PTPRE: variants seen among roughly 807,000 people sequenced by gnomAD.
PTPRE encodes receptor-type tyrosine-protein phosphatase epsilon.
In PTPRE, 51 loss-of-function variants were observed where a neutral mutation model predicts 102.0. That is an observed-to-expected ratio of 0.50 (90% CI 0.40 to 0.63). PTPRE has a LOEUF of 0.63. Ranked by LOEUF, PTPRE falls within the 30% of genes least tolerant of loss-of-function variation. The pLI, the probability that PTPRE is intolerant of heterozygous loss-of-function variation, is 0.00. For synonymous variants in PTPRE, 345 were observed against 348.2 expected (o/e 0.99, Z 0.10); for missense variants, 752 against 915.1 (o/e 0.82, Z 2.30).
chr10:127,940,213 C>T (rs1199922355), intron 1 of PTPRE, among the ~76,000 whole-genome samples: 1 of 152,102 alleles, frequency 6.6e-6, no homozygotes, highest in African/African-American at 2.4e-5. Flanking sequence ...ATCCTATACA[C>T]CCATCCCAGG....
intron 2 of PTPRE, among the ~76,000 whole-genome samples, chr10:127,992,484 C>G (rs1175593540): frequency 6.6e-6 from 1 of 152,194 alleles, no homozygotes; most frequent in Non-Finnish European, 1.5e-5. Flanking sequence ...ATGATTTGCT[C>G]TTAGCCCAGC....
chr10:128,017,094 G>A (rs192688036), intron 2 of PTPRE, among the ~76,000 whole-genome samples: 49 of 152,138 alleles, frequency 3.2e-4, no homozygotes, highest in African/African-American at 1.2e-3. Context: ...GGGTCAGAAT[G>A]CTGGGAGGAG....
chr10:127,916,284 A>G (rs936369726), intron 1 of PTPRE, among the ~76,000 whole-genome samples: 4 of 152,130 alleles, frequency 2.6e-5, no homozygotes, highest in Non-Finnish European at 5.9e-5. Flanking sequence ...TGCTGTTCTC[A>G]TGATAGTGAG....
chr10:127,994,525 C>T (rs1395431141), intron 2 of PTPRE, among the ~76,000 whole-genome samples: 2 of 152,164 alleles, frequency 1.3e-5, no homozygotes, highest in Non-Finnish European at 2.9e-5. Context: ...GAGAGAGGCA[C>T]CCAGTGAATT....
At chr10:127,913,238 C>T (rs996030391) in intron 1 of PTPRE, among the ~76,000 whole-genome samples, 1 of 152,228 alleles carries the variant, frequency 6.6e-6, no homozygotes, top group African/African-American at 2.4e-5. Flanking sequence ...GAATCAAAGG[C>T]CTGAGATGAT....
intron 2 of PTPRE, among the ~76,000 whole-genome samples, chr10:128,012,272 C>T (rs1845083151): frequency 1.3e-5 from 2 of 152,196 alleles, no homozygotes; most frequent in South Asian, 4.1e-4. Flanking sequence ...ACCTTTGCAA[C>T]TCAAGGGTGA....
chr10:128,037,956 AAT>A (rs1491569841), intron 2 of PTPRE, among the ~76,000 whole-genome samples: 1 of 87,622 alleles, frequency 1.1e-5, no homozygotes, highest in African/African-American at 4.7e-5. Context: ...ATGTCCGGCT[AAT>A]TTTTTTTTTT....
intron 16 of PTPRE, among the ~76,000 whole-genome samples, 153 bp from the exon 17 acceptor site, chr10:128,073,184 C>T (rs1377703237): frequency 4.6e-5 from 7 of 152,170 alleles, no homozygotes; most frequent in African/African-American, 1.7e-4. Flanking sequence ...CAGGTGTGTG[C>T]CTGAGTGCTC....
chr10:128,082,652 A>G (rs551472148), intron 20 of PTPRE, among the ~76,000 whole-genome samples, 180 bp from the exon 21 acceptor site: 1 of 152,356 alleles, frequency 6.6e-6, no homozygotes, highest in South Asian at 2.1e-4. Flanking sequence ...TCTACGTAGA[A>G]AAACAGCTTT....
chr10:128,072,445 G>C (rs1480444149), intron 16 of PTPRE: 2 of 414,558 alleles, frequency 4.8e-6, no homozygotes, highest in Non-Finnish European at 8.6e-6. Context: ...TTGGGGTCAG[G>C]AGTTTGAAAC....
intron 1 of PTPRE, among the ~76,000 whole-genome samples, chr10:127,942,563 A>G (rs1361292893): frequency 6.6e-6 from 1 of 152,226 alleles, no homozygotes; most frequent in Non-Finnish European, 1.5e-5. Context: ...AGCTCCTCTC[A>G]TTTGCTGCAA....
At chr10:128,034,521 C>G (rs186170333) in intron 2 of PTPRE, among the ~76,000 whole-genome samples, 131 of 151,798 alleles carry the variant, frequency 8.6e-4, no homozygotes, top group Admixed American at 2.0e-3. Context: ...GAGACCCCCC[C>G]CATCTTTACG....
intron 1 of PTPRE, among the ~76,000 whole-genome samples, chr10:127,952,979 G>A (rs1186571542): frequency 6.6e-6 from 1 of 152,192 alleles, no homozygotes; most frequent in East Asian, 1.9e-4. Context: ...GTGGTATGGG[G>A]CATGTCAAGA....
rs1851919919 is a variant in PTPRE at position 128,084,038 on chromosome 10, C to A, written c.*1132C>A. On this transcript the variant is annotated 3_prime_UTR_variant, in exon 21 of 21. Coordinates refer to ENST00000254667, the MANE Select transcript of PTPRE (RefSeq NM_006504.6). Reference sequence around the variant, plus strand: ...TGTTTAATAAAACAAAAAGAGAAATCCTTAATCTAAAAGCTAAATTATTTT... The same window carrying A: ...TGTTTAATAAAACAAAAAGAGAAATACTTAATCTAAAAGCTAAATTATTTT... The A allele has an allele frequency of 6.6e-6, 1 of 151,480 alleles. No homozygotes were observed. The highest frequency in any genetic ancestry group is 1.5e-5 in the Non-Finnish European group (1 of 67,920). The allele number at this position is 151,480 out of a possible 1,614,324, so 9.4% of individuals were successfully genotyped here. A position where few individuals can be genotyped will look rare whatever the true frequency, so the allele number is the denominator to read the frequency against.
At position 128,008,187 on chromosome 10, in the gene PTPRE, A is replaced by G. The variant is rs1248943132; in HGVS notation, c.-8+25891A>G. ...GCCCAAGGGAAACAGTGCATCCACC[A>G]TCTCTGTCTGCAGCCCCGCTGGCTC... On this transcript the variant is annotated intron_variant, in intron 2 of 20. Coordinates refer to ENST00000254667, the MANE Select transcript of PTPRE (RefSeq NM_006504.6). This position sits in a 1 kb window ranked among gnomAD's most constrained non-coding sequence, Gnocchi z 4.0. 6.6e-6 allele frequency among the ~76,000 whole-genome samples: 1 copy of G among 152,076 alleles called. No individual in the cohort carries two copies. Among genetic ancestry groups the G allele is most frequent in the African/African-American group, 2.4e-5 (1 of 41,414 alleles).
chr10:127,949,474 G>A (rs1307289395), intron 1 of PTPRE, among the ~76,000 whole-genome samples: 1 of 152,162 alleles, frequency 6.6e-6, no homozygotes, highest in Non-Finnish European at 1.5e-5. Flanking sequence ...AGCACTGATA[G>A]ATCACGTGCT....
At chr10:127,971,887 T>C (rs1850769954) in intron 1 of PTPRE, among the ~76,000 whole-genome samples, 1 of 152,190 alleles carries the variant, frequency 6.6e-6, no homozygotes, top group Non-Finnish European at 1.5e-5. Flanking sequence ...TCCTGGCAGA[T>C]TCAGGTGCAG....
At chr10:127,924,409 A>G (rs962730112) in intron 1 of PTPRE, among the ~76,000 whole-genome samples, 1 of 152,188 alleles carries the variant, frequency 6.6e-6, no homozygotes, top group African/African-American at 2.4e-5. Flanking sequence ...TATTTTTAGT[A>G]GAGACAGGGT....
intron 3 of PTPRE, among the ~76,000 whole-genome samples, chr10:128,043,422 C>T (rs1847868975): frequency 6.6e-6 from 1 of 152,210 alleles, no homozygotes; most frequent in South Asian, 2.1e-4. Flanking sequence ...TCTAATGCCG[C>T]TGCTGATCTG....
Sources: allele counts gnomAD v4.1 joint callset (sites outside exome capture counted in the v4.1 genomes callset), GRCh38; gene constraint gnomAD v4.1.1; non-coding constraint Gnocchi (gnomAD v3.1); transcripts MANE v1.5; gene names NCBI Gene and HGNC (gene_info 2026-07-23, HGNC 2026-07-21).